INPP5A: variants seen among roughly 807,000 people sequenced by gnomAD.
INPP5A encodes the protein 43 kDa inositol polyphosphate 5-phophatase.
A neutral mutation model predicts 65.2 loss-of-function variants in INPP5A; 14 were observed. The observed-to-expected ratio is 0.21, with a 90% CI of 0.14 to 0.34. INPP5A has a LOEUF of 0.34. INPP5A is among the 10% of genes least tolerant of loss of function. The probability of loss-of-function intolerance (pLI) is 1.00; values close to 1 mark genes in which losing one functional copy is unlikely to be tolerated. For missense variants in INPP5A, 431 were observed against 545.6 expected, an observed-to-expected ratio of 0.79 and a Z score of 2.09; for synonymous variants, 207 against 208.3, an observed-to-expected ratio of 0.99 and a Z score of 0.05.
At chr10:132,702,757 G>C (rs550277871) in intron 6 of INPP5A, among the ~76,000 whole-genome samples, 1 of 152,204 alleles carries the variant, frequency 6.6e-6, no homozygotes, top group Non-Finnish European at 1.5e-5. Context: ...CTGCTCTCTC[G>C]TTCCACAGTG....
At chr10:132,775,166 A>AAG (rs1847037657) in intron 12 of INPP5A, among the ~76,000 whole-genome samples, 2 of 30,124 alleles carry the variant, frequency 6.6e-5, no homozygotes, top group Non-Finnish European at 6.3e-5. Context: ...AGAGAGGGGC[A>AAG]GAGAGGAGGG....
At position 132,749,627 on chromosome 10, in the gene INPP5A, T is replaced by A; in HGVS notation, c.828+15T>A. 1 of 1,611,828 alleles carries A rather than the reference T, an allele frequency of 6.2e-7. No individual in the cohort carries two copies. Among genetic ancestry groups the A allele is most frequent in the East Asian group, 2.2e-5 (1 of 44,876 alleles). On this transcript the variant is annotated intron_variant, in intron 10 of 15. Coordinates refer to ENST00000368594, the MANE Select transcript of INPP5A (RefSeq NM_005539.5). ...ACGACCGGAAGGTGAGCGGGGCCTG[T>A]GACTGGGCAGGTGACGCACGGGGCC...
intron 2 of INPP5A, among the ~76,000 whole-genome samples, chr10:132,608,895 C>T (rs534908273): frequency 3.9e-5 from 6 of 152,260 alleles, no homozygotes; most frequent in Admixed American, 2.0e-4. Context: ...GGGGGTGGCC[C>T]GACCTGGGCC....
chr10:132,667,700 T>A (rs1375550258), intron 4 of INPP5A, among the ~76,000 whole-genome samples: 1 of 152,166 alleles, frequency 6.6e-6, no homozygotes, highest in Non-Finnish European at 1.5e-5. Flanking sequence ...ATAGTATTGA[T>A]CATACAAGCA....
intron 9 of INPP5A, among the ~76,000 whole-genome samples, chr10:132,738,795 G>A (rs1009339137): frequency 1.3e-5 from 2 of 152,212 alleles, no homozygotes; most frequent in African/African-American, 4.8e-5. Flanking sequence ...GAGGCCACTC[G>A]GATGCTGACG....
intron 11 of INPP5A, among the ~76,000 whole-genome samples, chr10:132,750,332 G>A (rs771145287): frequency 1.3e-5 from 2 of 152,246 alleles, no homozygotes; most frequent in Non-Finnish European, 2.9e-5. Context: ...ATCTGCCTCT[G>A]TGGGGTGGGT....
intron 8 of INPP5A, among the ~76,000 whole-genome samples, chr10:132,721,511 T>TG (rs1460981995): frequency 4.0e-5 from 6 of 151,308 alleles, no homozygotes; most frequent in African/African-American, 1.5e-4. Context: ...GGGTTCTGTC[T>TG]GGGGGCCTTA....
chr10:132,722,444 G>A (rs1441089911), intron 8 of INPP5A, among the ~76,000 whole-genome samples: 2 of 152,202 alleles, frequency 1.3e-5, no homozygotes, highest in African/African-American at 2.4e-5. Flanking sequence ...TAGGGCCCCA[G>A]TGAGACTGCC....
At chr10:132,672,693 A>C (rs2072907211) in intron 4 of INPP5A, among the ~76,000 whole-genome samples, 1 of 152,230 alleles carries the variant, frequency 6.6e-6, no homozygotes, top group African/African-American at 2.4e-5. Flanking sequence ...AACTAATACA[A>C]GGTCTTTCCT....
rs1564999616 is a variant in INPP5A, at chr10:132,752,094, T to TGTCTGGGTGGAGGCGGGTGCCCAGGAGGC, written c.903+2264_903+2292dup. Among the ~76,000 whole-genome samples, 79 of 91,866 alleles carry TGTCTGGGTGGAGGCGGGTGCCCAGGAGGC rather than the reference T, an allele frequency of 8.6e-4. 4 individuals are homozygous for TGTCTGGGTGGAGGCGGGTGCCCAGGAGGC. The South Asian group carries it at 0.023, about 27-fold the overall frequency. 60.3% of individuals were successfully genotyped at this position (91,866 alleles called of 152,430 possible). ...TGGGTGGAGGCGGGTGCCCAGGAGG[T>TGTCTGGGTGGAGGCGGGTGCCCAGGAGGC]GTCTGGGTGGAGGCGGGTGCCCAGG... On this transcript the variant is annotated intron_variant, in intron 11 of 15. Transcript: ENST00000368594.
intron 1 of INPP5A, among the ~76,000 whole-genome samples, chr10:132,580,782 C>A (rs146166819): frequency 1.6e-3 from 242 of 152,370 alleles, no homozygotes; most frequent in African/African-American, 5.7e-3. Flanking sequence ...CTCTGTCCAT[C>A]AGTCATTGTT....
rs373639324 is a variant in INPP5A at position 132,640,949 on chromosome 10, G to C, written c.118-4919G>C. Among the ~76,000 whole-genome samples, 28 of 152,322 alleles carry C rather than the reference G, an allele frequency of 1.8e-4. 1 individual carries two copies. The South Asian group carries it at 5.4e-3, about 29-fold the overall frequency. On this transcript the variant is annotated intron_variant, in intron 2 of 15. Transcript: ENST00000368594. ...TCCGTCGAGATCCGACGTGGGTTCA[G>C]TTTTTCCGCCGGGATGCTCTGCCAT...
intron 8 of INPP5A, 65 bp from the exon 9 acceptor site, chr10:132,726,755 CG>C: frequency 8.9e-7 from 1 of 1,127,200 alleles, no homozygotes; most frequent in Non-Finnish European, 1.3e-6. Context: ...GGAGGAGCAC[CG>C]GGGCCGGGCA....
intron 8 of INPP5A, among the ~76,000 whole-genome samples, chr10:132,722,546 G>T (rs1845902950): frequency 6.6e-6 from 1 of 152,218 alleles, no homozygotes; most frequent in Admixed American, 6.5e-5. Context: ...CCACTGCTGT[G>T]TTAGGGAAGC....
In INPP5A at chr10:132,741,412, G is replaced by A. The variant is rs564070410; in HGVS notation, c.733-8105G>A. On this transcript the variant is annotated intron_variant, in intron 9 of 15. Coordinates refer to ENST00000368594, the MANE Select transcript of INPP5A (RefSeq NM_005539.5). The surrounding 1 kb of genome is among the most constrained non-coding windows in gnomAD (Gnocchi z 4.4). ...GACAAACACTGCAGGTTCACACCAC[G>A]GGAACTTCTCGGCATCTGTGCCAGG... 3.9e-5 allele frequency among the ~76,000 whole-genome samples: 6 copies of A among 152,306 alleles called. No individual in the cohort carries two copies. The highest frequency in any genetic ancestry group is 9.6e-5 in the African/African-American group (4 of 41,556).
chr10:132,557,205 G>A (rs182858801), intron 1 of INPP5A, among the ~76,000 whole-genome samples: 131 of 152,344 alleles, frequency 8.6e-4, no homozygotes, highest in African/African-American at 2.6e-3. Flanking sequence ...CGCTGTGACC[G>A]ACTGTCTCAC....
At chr10:132,760,976 AG>A (rs773343346) in intron 11 of INPP5A, among the ~76,000 whole-genome samples, 1 of 152,232 alleles carries the variant, frequency 6.6e-6, no homozygotes, top group East Asian at 1.9e-4. Context: ...TCTCGTTTCC[AG>A]GGGGAATTTC....
chr10:132,585,541 T>TA (rs2071535176), intron 1 of INPP5A, among the ~76,000 whole-genome samples: 1 of 152,214 alleles, frequency 6.6e-6, no homozygotes, highest in Admixed American at 6.5e-5. Context: ...TAGCTGCCGT[T>TA]ACAGGCGTCC....
At position 132,730,422 on chromosome 10, in the gene INPP5A, G is replaced by A. The variant is rs565080489; in HGVS notation, c.732+3517G>A. On this transcript the variant is annotated intron_variant, in intron 9 of 15. Coordinates refer to ENST00000368594, the MANE Select transcript of INPP5A (RefSeq NM_005539.5). ...CTGCGTGGGCAGCGCGGGAGGGGGCGCCATCTGCTGCAGGACAGTTCACGT... is the reference window on the plus strand; with the variant it reads ...CTGCGTGGGCAGCGCGGGAGGGGGCACCATCTGCTGCAGGACAGTTCACGT... Among the ~76,000 whole-genome samples, 65 of 152,246 alleles carry A rather than the reference G, an allele frequency of 4.3e-4. 1 individual carries two copies. The highest frequency in any genetic ancestry group is 7.2e-4 in the Non-Finnish European group (49 of 68,038).
Sources: allele counts gnomAD v4.1 joint callset (sites outside exome capture counted in the v4.1 genomes callset), GRCh38; gene constraint gnomAD v4.1.1; non-coding constraint Gnocchi (gnomAD v3.1); transcripts MANE v1.5; gene names NCBI Gene and HGNC (gene_info 2026-07-23, HGNC 2026-07-21).